Variants in ST7L observed in about 807,000 individuals in gnomAD.
The protein encoded by ST7L is suppressor of tumorigenicity 7 protein-like.
A neutral mutation model predicts 72.5 loss-of-function variants in ST7L; 57 were observed. The observed-to-expected ratio is 0.79, with a 90% confidence interval of 0.64 to 0.98. The LOEUF is 0.98. Among genes scored for constraint, ST7L ranks in the 50% least tolerant of loss-of-function variants. The pLI is 0.00. For synonymous variants in ST7L, 221 were observed against 240.9 expected, an observed-to-expected ratio of 0.92 and a Z score of 0.77; for missense variants, 576 against 672.2, an observed-to-expected ratio of 0.86 and a Z score of 1.58.
intron 11 of ST7L, among the ~76,000 whole-genome samples, chr1:112,568,861 A>AATATAAATATAAATAAATAT (rs61349207): frequency 6.1e-5 from 7 of 114,918 alleles, no homozygotes; most frequent in Non-Finnish European, 8.4e-5. Flanking sequence ...TATAAATATA[A>AATATAAATATAAATAAATAT]ATATATATAT....
intron 14 of ST7L, chr1:112,529,727 C>G (rs1275771230): frequency 1.5e-5 from 2 of 135,840 alleles, no homozygotes; most frequent in African/African-American, 5.5e-5. Context: ...AGGTTACTCT[C>G]AATGCCATCC....
At chr1:112,561,666 G>C (rs1014905219) in intron 11 of ST7L, among the ~76,000 whole-genome samples, 3 of 151,952 alleles carry the variant, frequency 2.0e-5, no homozygotes, top group African/African-American at 7.3e-5. Flanking sequence ...TTTTAGTAGA[G>C]ATGGGGTTTC....
At position 112,551,138 on chromosome 1, in the gene ST7L, C is replaced by CTTTTTTTTTT. The variant is rs567601091; in HGVS notation, c.1397-455_1397-446dup. Among the ~76,000 whole-genome samples, 32 of 77,224 alleles carry CTTTTTTTTTT rather than the reference C, an allele frequency of 4.1e-4. 3 individuals carry two copies. Among genetic ancestry groups the CTTTTTTTTTT allele is most frequent in the African/African-American group, 1.9e-3 (30 of 15,784 alleles). The allele number at this position is 77,224 out of a possible 152,430, so 50.7% of individuals were successfully genotyped here. On this transcript the variant is annotated intron_variant, in intron 12 of 14. Transcript: ENST00000358039. ...TCACCAAAGCTTTCTATGAGCAGATCTTTTTTTTTTTTTTTTTTTTTTTTT... is the reference window on the plus strand; with the variant it reads ...TCACCAAAGCTTTCTATGAGCAGATCTTTTTTTTTTTTTTTTTTTTTTTTTTTTTTTTTTT...
intron 11 of ST7L, among the ~76,000 whole-genome samples, chr1:112,557,465 A>G (rs567030744): frequency 6.6e-6 from 1 of 152,316 alleles, no homozygotes; most frequent in Non-Finnish European, 1.5e-5. Flanking sequence ...TACATATGGT[A>G]TATATGTTCT....
At chr1:112,615,806 C>T (rs1669777113) in intron 2 of ST7L, among the ~76,000 whole-genome samples, 3 of 152,276 alleles carry the variant, frequency 2.0e-5, no homozygotes, top group African/African-American at 4.8e-5. Context: ...GTGGCAAGAT[C>T]TTGGTTCACT....
At chr1:112,570,808 A>G in intron 11 of ST7L, 2 of 450,972 alleles carry the variant, frequency 4.4e-6, no homozygotes, top group South Asian at 3.2e-5. Context: ...AGTTCATATA[A>G]CATCAATGTT....
intron 6 of ST7L, among the ~76,000 whole-genome samples, chr1:112,587,922 A>T (rs1032545007): frequency 2.0e-5 from 3 of 152,220 alleles, no homozygotes; most frequent in Non-Finnish European, 4.4e-5. Context: ...ACATTCTAAC[A>T]ATAATGTCTC....
intron 9 of ST7L, among the ~76,000 whole-genome samples, chr1:112,579,105 A>G (rs1663637376): frequency 6.6e-6 from 1 of 151,382 alleles, no homozygotes; most frequent in Non-Finnish European, 1.5e-5. Context: ...CTGCTTATGG[A>G]CGGGCGTGGT....
chr1:112,610,013 T>A (rs1243939483), intron 3 of ST7L, among the ~76,000 whole-genome samples: 1 of 152,046 alleles, frequency 6.6e-6, no homozygotes, highest in Non-Finnish European at 1.5e-5. Flanking sequence ...CCTTTATTAG[T>A]CATAAGATTC....
At chr1:112,557,072 TTAAA>T (rs1190687622) in intron 11 of ST7L, among the ~76,000 whole-genome samples, 1 of 151,838 alleles carries the variant, frequency 6.6e-6, no homozygotes, top group Non-Finnish European at 1.5e-5. Flanking sequence ...AATTTAGTTT[TTAAA>T]TAACAGCCTT....
chr1:112,590,745 T>TA (rs1007753119), intron 6 of ST7L, among the ~76,000 whole-genome samples: 4 of 152,094 alleles, frequency 2.6e-5, no homozygotes, highest in Admixed American at 6.6e-5. Flanking sequence ...CAAAGAACTA[T>TA]AAAAAAATGC....
At chr1:112,619,599 G>C (rs1670500022), upstream of ST7L, 1 of 546,460 alleles carries the variant, frequency 1.8e-6, no homozygotes, top group African/African-American at 1.9e-5. Context: ...AGATGGATGG[G>C]AAATGAGTGT....
intron 13 of ST7L, 41 bp downstream of exon 13, chr1:112,550,560 T>C (rs1461090515): frequency 6.9e-7 from 1 of 1,453,228 alleles, no homozygotes; most frequent in Middle Eastern, 1.8e-4. Context: ...CAATCTAAAC[T>C]TACTACTTTT....
At chr1:112,583,252 A>G (rs1664392667) in intron 7 of ST7L, among the ~76,000 whole-genome samples, 1 of 152,226 alleles carries the variant, frequency 6.6e-6, no homozygotes, top group Non-Finnish European at 1.5e-5. Context: ...TGCATTATAT[A>G]AACATATTTC....
At chr1:112,598,602 A>T (rs992226766) in intron 4 of ST7L, among the ~76,000 whole-genome samples, 7 of 152,082 alleles carry the variant, frequency 4.6e-5, no homozygotes, top group African/African-American at 1.7e-4. Context: ...AACTAAAAAA[A>T]AAAAAGACTC....
intron 13 of ST7L, among the ~76,000 whole-genome samples, chr1:112,543,865 T>G (rs1402914712): frequency 1.0e-4 from 10 of 95,702 alleles, no homozygotes; most frequent in African/African-American, 1.4e-4. Flanking sequence ...TGAGACTCTA[T>G]CTCAAAAAAA....
rs1181289790 is a variant in ST7L at position 112,523,985 on chromosome 1, A to C, written c.*2028T>G. On this transcript the variant is annotated 3_prime_UTR_variant, in exon 15 of 15. Transcript: ENST00000358039. ...AGAGTGATGCTGGAAAAATAAAATC[A>C]GGGGCTTCAGATTAAAAAAAAAAAC... is the stretch of plus-strand genomic sequence containing the variant. 1 of 151,894 alleles carries C rather than the reference A, an allele frequency of 6.6e-6. No individual in the cohort carries two copies. The highest frequency in any genetic ancestry group is 2.4e-5 in the African/African-American group (1 of 41,368). The allele number at this position is 151,894 out of a possible 1,614,324, so 9.4% of individuals were successfully genotyped here.
intron 11 of ST7L, chr1:112,571,125 A>AT: frequency 2.8e-6 from 1 of 352,718 alleles, no homozygotes; most frequent in Non-Finnish European, 5.5e-6. Context: ...AGCCGAGATC[A>AT]GCCCACTGCA....
chr1:112,606,170 T>A (rs1311706438), intron 3 of ST7L, among the ~76,000 whole-genome samples: 1 of 152,206 alleles, frequency 6.6e-6, no homozygotes, highest in Admixed American at 6.5e-5. Context: ...ATCCCTACTA[T>A]TGTCTTCAGA....
Sources: gnomAD v4.1 joint callset for allele counts (sites outside exome capture counted in the v4.1 genomes callset) on GRCh38, gnomAD v4.1.1 for gene constraint, MANE v1.5 for transcripts, NCBI Gene and HGNC (gene_info 2026-07-23, HGNC 2026-07-21) for gene names.